Variants in ANKFY1 observed in about 807,000 individuals in gnomAD.
The protein encoded by ANKFY1 is ankyrin repeat and FYVE domain-containing protein 1.
Under a neutral mutation model 128.3 loss-of-function variants are expected in ANKFY1, and 47 were observed. The observed-to-expected ratio is 0.37, with a 90% CI of 0.29 to 0.47. ANKFY1 has a LOEUF of 0.47. Among genes scored for constraint, ANKFY1 ranks in the 20% least tolerant of loss-of-function variants. The probability of loss-of-function intolerance (pLI) is 1.00; values close to 1 mark genes in which losing one functional copy is unlikely to be tolerated. For synonymous variants in ANKFY1, 553 were observed against 601.6 expected (o/e 0.92, Z 1.18); for missense variants, 1,222 against 1,510.6 (o/e 0.81, Z 3.17).
At chr17:4,252,441 C>T (rs1192748709) in intron 1 of ANKFY1, among the ~76,000 whole-genome samples, 1 of 152,028 alleles carries the variant, frequency 6.6e-6, no homozygotes, top group African/African-American at 2.4e-5. Flanking sequence ...TGGTGGTGTG[C>T]ACCTGCAGTC....
intron 18 of ANKFY1, among the ~76,000 whole-genome samples, 179 bp from the exon 19 acceptor site, chr17:4,177,481 T>A (rs2059429802): frequency 6.6e-6 from 1 of 151,384 alleles, no homozygotes; most frequent in Admixed American, 6.6e-5. Flanking sequence ...ACAGACCCAC[T>A]CTACACATCT....
intron 3 of ANKFY1, among the ~76,000 whole-genome samples, chr17:4,229,127 C>T (rs115195633): frequency 0.012 from 1,882 of 152,176 alleles, 47 homozygotes; most frequent in African/African-American, 0.044. Context: ...TAGTCTTAAC[C>T]TTATTAGAAA....
intron 4 of ANKFY1, among the ~76,000 whole-genome samples, chr17:4,213,794 C>T (rs2060177058): frequency 1.3e-5 from 2 of 152,008 alleles, no homozygotes; most frequent in South Asian, 2.1e-4. Context: ...AGGATGGTCT[C>T]GATCTCCTGA....
intron 7 of ANKFY1, among the ~76,000 whole-genome samples, 196 bp from the exon 8 acceptor site, chr17:4,197,773 AT>A (rs2059853226): frequency 6.6e-6 from 1 of 152,176 alleles, no homozygotes; most frequent in Non-Finnish European, 1.5e-5. Flanking sequence ...GCTCTGCTCA[AT>A]TTTTGGTTAC....
At chr17:4,243,069 T>C (rs1967335010) in intron 1 of ANKFY1, among the ~76,000 whole-genome samples, 1 of 152,132 alleles carries the variant, frequency 6.6e-6, no homozygotes. Context: ...GTTTTTTGTT[T>C]GTTTGTTTGT....
chr17:4,179,174 C>T (rs2059463621), intron 17 of ANKFY1, 117 bp from the exon 18 acceptor site: 1 of 1,127,418 alleles, frequency 8.9e-7, no homozygotes, highest in Non-Finnish European at 1.3e-6. Flanking sequence ...ATACTACCAC[C>T]CTGTGTTTGA....
At chr17:4,214,776 C>T (rs770544959) in intron 4 of ANKFY1, among the ~76,000 whole-genome samples, 7 of 151,638 alleles carry the variant, frequency 4.6e-5, no homozygotes, top group Non-Finnish European at 1.0e-4. Flanking sequence ...TTAAACGTCC[C>T]ACAAACTGCT....
chr17:4,168,586 G>A lies in ANKFY1; in HGVS notation c.3377+612C>T, dbSNP rs1288924703. ...CAGCTCACTGCAACCTCTTGTCTCA[G>A]CCTCCCAAGTAGCTGGGATTACAGG... On this transcript the variant is annotated intron_variant, in intron 24 of 24. Transcript: ENST00000341657. 2.6e-5 allele frequency among the ~76,000 whole-genome samples: 4 copies of A among 152,144 alleles called. No individual in the cohort carries two copies. The East Asian group carries it at 7.7e-4, about 29-fold the overall frequency.
intron 3 of ANKFY1, among the ~76,000 whole-genome samples, chr17:4,233,047 C>T (rs190861653): frequency 1.1e-4 from 16 of 152,172 alleles, no homozygotes; most frequent in Middle Eastern, 3.4e-3. Context: ...AGCTGCCTAA[C>T]TGCTTTCTAG....
chr17:4,198,766 A>G (rs1333929480), intron 7 of ANKFY1, among the ~76,000 whole-genome samples: 1 of 152,250 alleles, frequency 6.6e-6, no homozygotes, highest in African/African-American at 2.4e-5. Context: ...ACACATTACT[A>G]TTTACAAAAA....
At chr17:4,191,620 T>C (rs2059719778) in intron 10 of ANKFY1, among the ~76,000 whole-genome samples, 1 of 143,536 alleles carries the variant, frequency 7.0e-6, no homozygotes, top group Admixed American at 7.0e-5. Context: ...TGGAGACTCC[T>C]AGTTGATGGT....
At chr17:4,198,808 C>T (rs952006062) in intron 7 of ANKFY1, among the ~76,000 whole-genome samples, 1 of 152,086 alleles carries the variant, frequency 6.6e-6, no homozygotes, top group African/African-American at 2.4e-5. Context: ...GTTGTGGAAA[C>T]AAAATTTCTT....
chr17:4,179,628 G>A lies in ANKFY1; in HGVS notation c.2397+93C>T, dbSNP rs924366122. The stretch of plus-strand genomic sequence containing the variant: ...TGTGTTCATGAAGCAGCAGCGCCTG[G>A]AACTGGGGACTGTGCAAGGTCCTCT... On this transcript the variant is annotated intron_variant, in intron 17 of 24. Coordinates refer to ENST00000341657, the MANE Select transcript of ANKFY1 (RefSeq NM_001330063.2). 1.3e-4 allele frequency: 193 copies of A among 1,493,978 alleles called. 1 individual carries two copies. Among genetic ancestry groups the A allele is most frequent in the South Asian group, 5.4e-4 (42 of 77,676 alleles). 92.5% of individuals were successfully genotyped at this position (1,493,978 alleles called of 1,614,324 possible).
Position 4,169,159 on chromosome 17 carries a change from C to T in ANKFY1, c.3377+39G>A. On this transcript the variant is annotated intron_variant, in intron 24 of 24. Coordinates refer to ENST00000341657, the MANE Select transcript of ANKFY1 (RefSeq NM_001330063.2). This position sits in a 1 kb window ranked among gnomAD's most constrained non-coding sequence, Gnocchi z 5.0. Reference sequence around the variant, plus strand: ...AGGGGGGAAGCAATGACATCAGCGGCAGTCCCCTCGCTCCTTGCCAGTGAC... The same window carrying T: ...AGGGGGGAAGCAATGACATCAGCGGTAGTCCCCTCGCTCCTTGCCAGTGAC... The T allele has an allele frequency of 6.6e-7, 1 of 1,513,896 alleles. No homozygotes were observed. The allele number at this position is 1,513,896 out of a possible 1,614,324, so 93.8% of individuals were successfully genotyped here.
chr17:4,170,017 G>C (rs1189625205), intron 23 of ANKFY1, among the ~76,000 whole-genome samples: 11 of 152,200 alleles, frequency 7.2e-5, no homozygotes, highest in Admixed American at 2.0e-4. Flanking sequence ...ATGGGCACCG[G>C]TGCTGAGCTT....
chr17:4,170,401 G>A (rs779227137), intron 23 of ANKFY1, among the ~76,000 whole-genome samples: 10 of 152,218 alleles, frequency 6.6e-5, no homozygotes, highest in Admixed American at 3.9e-4. Flanking sequence ...TCAGTCTCAA[G>A]AGGACAGGTG....
In ANKFY1 at chr17:4,263,950, C is replaced by A; in HGVS notation, c.-9G>T. The A allele has an allele frequency of 6.2e-7, 1 of 1,613,996 alleles. No homozygotes were observed. The highest frequency in any genetic ancestry group is 8.5e-7 in the Non-Finnish European group (1 of 1,179,956). ...ACCCTACCTTCCGCCATGTCTGGCC[C>A]GGCACTGCCTGCAACCTCGCGAGAA... is the stretch of plus-strand genomic sequence containing the variant. On this transcript the variant is annotated 5_prime_UTR_variant, in exon 1 of 25. Transcript: ENST00000341657.
intron 5 of ANKFY1, among the ~76,000 whole-genome samples, chr17:4,208,501 TCAATTCCA>T (rs1429661403): frequency 6.6e-6 from 1 of 152,144 alleles, no homozygotes; most frequent in African/African-American, 2.4e-5. Flanking sequence ...AGTTACAAAA[TCAATTCCA>T]ACTTCCACAA....
rs559543023 is a variant in ANKFY1, at chr17:4,170,964, G to A, written c.3140-103C>T. 3 of 1,549,248 alleles carry A rather than the reference G, an allele frequency of 1.9e-6. No individual in the cohort carries two copies. The Admixed American group carries it at 5.3e-5, about 27-fold the overall frequency. ...CCAAGGGCAGAACAGACCGCTGGCAGGAAATCTGTTCACAAAGTCCCCACA... is the reference window on the plus strand; with the variant it reads ...CCAAGGGCAGAACAGACCGCTGGCAAGAAATCTGTTCACAAAGTCCCCACA... On this transcript the variant is annotated intron_variant, in intron 22 of 24. Transcript: ENST00000341657.
Sources: gnomAD v4.1 joint callset for allele counts (sites outside exome capture counted in the v4.1 genomes callset) on GRCh38, gnomAD v4.1.1 for gene constraint, Gnocchi (gnomAD v3.1) non-coding constraint, MANE v1.5 for transcripts, NCBI Gene and HGNC (gene_info 2026-07-23, HGNC 2026-07-21) for gene names.